The following CHRM3 variants were observed in gnomAD, a reference collection of about 807,000 sequenced individuals.
CHRM3 encodes cholinergic receptor muscarinic 3, also known as muscarinic acetylcholine receptor M3.
CHRM3 carries 11 observed loss-of-function variants against 41.8 expected under a neutral mutation model. The ratio of observed to expected loss-of-function variants is 0.26; its 90% CI spans 0.17 to 0.44. The LOEUF is 0.44. Ranked by LOEUF, CHRM3 falls within the 20% of genes least tolerant of loss-of-function variation. The pLI, the probability that CHRM3 is intolerant of heterozygous loss-of-function variation, is 1.00. For synonymous variants in CHRM3, 297 were observed against 301.4 expected (o/e 0.99, Z 0.15); for missense variants, 571 against 745.4 (o/e 0.77, Z 2.72).
intron 3 of CHRM3, among the ~76,000 whole-genome samples, chr1:239,606,939 T>C (rs1455246383): frequency 6.6e-6 from 1 of 152,154 alleles, no homozygotes; most frequent in African/African-American, 2.4e-5. Context: ...GGGGCCTATG[T>C]CCCCTTTCTC....
intron 5 of CHRM3, among the ~76,000 whole-genome samples, chr1:239,730,049 G>A (rs911231236): frequency 6.6e-6 from 1 of 151,806 alleles, no homozygotes; most frequent in East Asian, 1.9e-4. Context: ...ATTAAGCCAG[G>A]CTTTAATGTG....
chr1:239,483,949 G>A (rs1422093612), intron 1 of CHRM3, among the ~76,000 whole-genome samples: 1 of 152,114 alleles, frequency 6.6e-6, no homozygotes, highest in Non-Finnish European at 1.5e-5. Context: ...TGTACAGGAA[G>A]GAAAACAGTA....
At chr1:239,627,702 T>G (rs1669145050) in intron 3 of CHRM3, among the ~76,000 whole-genome samples, 2 of 138,084 alleles carry the variant, frequency 1.4e-5, no homozygotes, top group African/African-American at 5.6e-5. Context: ...GGCCTGGTGG[T>G]GACAAAATCT....
chr1:239,477,111 A>G (rs1666517301), intron 1 of CHRM3, among the ~76,000 whole-genome samples: 2 of 152,246 alleles, frequency 1.3e-5, no homozygotes, highest in South Asian at 2.1e-4. Context: ...TATTACTTAA[A>G]ATATGATTAA....
At chr1:239,465,703 T>C (rs954032721) in intron 1 of CHRM3, among the ~76,000 whole-genome samples, 1 of 152,204 alleles carries the variant, frequency 6.6e-6, no homozygotes, top group African/African-American at 2.4e-5. Context: ...TTCCTTATCA[T>C]ATAATTCCGA....
intron 3 of CHRM3, among the ~76,000 whole-genome samples, chr1:239,597,986 C>A (rs1364879834): frequency 6.6e-6 from 1 of 151,150 alleles, no homozygotes; most frequent in Admixed American, 6.6e-5. Flanking sequence ...GAAGTTCTAG[C>A]GAGACTTGAC....
intron 6 of CHRM3, among the ~76,000 whole-genome samples, chr1:239,871,789 C>T (rs909893721): frequency 2.6e-5 from 4 of 152,130 alleles, no homozygotes; most frequent in Non-Finnish European, 5.9e-5. Context: ...TGATAAAAAT[C>T]TCTTAACCTG....
Position 239,909,289 on chromosome 1 carries a change from AGGCGAGGGC to A in CHRM3, c.*68_*76del. ...CAACCCACAGACCTTAGGAGGAGGA[AGGCGAGGGC>A]GGGGTGACTTCTGGTGATGATAAAA... is the stretch of plus-strand genomic sequence containing the variant. On this transcript the variant is annotated 3_prime_UTR_variant, in exon 7 of 7. Coordinates refer to ENST00000676153, the MANE Select transcript of CHRM3 (RefSeq NM_001375978.1). 4.0e-6 allele frequency: 6 copies of A among 1,497,392 alleles called. No homozygotes were observed. The highest frequency in any genetic ancestry group is 4.5e-6 in the Non-Finnish European group (5 of 1,115,532). 92.8% of individuals were successfully genotyped at this position (1,497,392 alleles called of 1,614,324 possible). A position where few individuals can be genotyped will look rare whatever the true frequency, so the allele number is the denominator to read the frequency against.
chr1:239,595,673 G>A (rs1345916482), intron 3 of CHRM3, among the ~76,000 whole-genome samples: 1 of 151,994 alleles, frequency 6.6e-6, no homozygotes, highest in Non-Finnish European at 1.5e-5. Context: ...TCATTTGGGT[G>A]GAAGAGATTA....
chr1:239,569,697 A>G lies in CHRM3; in HGVS notation c.-313+23948A>G, dbSNP rs138231697. Reference sequence around the variant, plus strand: ...TAATAAGTAAAGCTGAAGTAATAAAATGTTGGTTTATGTCAGTAGTGAAGT... The same window carrying G: ...TAATAAGTAAAGCTGAAGTAATAAAGTGTTGGTTTATGTCAGTAGTGAAGT... On this transcript the variant is annotated intron_variant, in intron 3 of 6. Transcript: ENST00000676153. Among the ~76,000 whole-genome samples, 7 of 152,274 alleles carry G rather than the reference A, an allele frequency of 4.6e-5. No individual in the cohort carries two copies. The East Asian group carries it at 1.4e-3, about 29-fold the overall frequency.
At position 239,682,817 on chromosome 1, in the gene CHRM3, G is replaced by A. The variant is rs1012949923; in HGVS notation, c.-147+4529G>A. 3.9e-5 allele frequency among the ~76,000 whole-genome samples: 6 copies of A among 151,956 alleles called. No homozygotes were observed. In the South Asian group the frequency reaches 6.2e-4, roughly 16 times the overall value. ...ACTTACTGTTTAGCAAAATTTTTTT[G>A]TATCTGTTATTTCTCTGGCACCTTT... is the stretch of plus-strand genomic sequence containing the variant. On this transcript the variant is annotated intron_variant, in intron 5 of 6. Transcript: ENST00000676153.
At chr1:239,490,769 C>A (rs1038412579) in intron 1 of CHRM3, among the ~76,000 whole-genome samples, 1 of 151,900 alleles carries the variant, frequency 6.6e-6, no homozygotes, top group Non-Finnish European at 1.5e-5. Context: ...TTATTTGAGA[C>A]AGGGTCTTAC....
intron 3 of CHRM3, among the ~76,000 whole-genome samples, chr1:239,604,408 C>T (rs1001043990): frequency 6.6e-6 from 1 of 151,802 alleles, no homozygotes; most frequent in Non-Finnish European, 1.5e-5. Flanking sequence ...GCTTCCTGGG[C>T]TAGATAAATT....
intron 5 of CHRM3, chr1:239,704,113 A>T (rs1660925355): frequency 2.6e-5 from 4 of 152,154 alleles, no homozygotes; most frequent in Admixed American, 2.6e-4. Flanking sequence ...AAGTTTCTGA[A>T]ATGCCTCTTT....
intron 6 of CHRM3, among the ~76,000 whole-genome samples, chr1:239,859,791 T>C (rs1205755704): frequency 4.2e-5 from 6 of 143,794 alleles, no homozygotes; most frequent in African/African-American, 1.6e-4. Context: ...CAGGCATTGT[T>C]CTAAATTATA....
At chr1:239,467,907 C>T (rs944477370) in intron 1 of CHRM3, among the ~76,000 whole-genome samples, 11 of 152,174 alleles carry the variant, frequency 7.2e-5, no homozygotes, top group South Asian at 4.1e-4. Context: ...CTACCCCCCC[C>T]CAACGTTATT....
intron 1 of CHRM3, among the ~76,000 whole-genome samples, chr1:239,425,369 C>T (rs116754428): frequency 0.029 from 4,391 of 152,176 alleles, 85 homozygotes; most frequent in Non-Finnish European, 0.045. Flanking sequence ...AGCTTTATAT[C>T]AAGTACTCCT....
intron 3 of CHRM3, among the ~76,000 whole-genome samples, chr1:239,559,498 TACA>T: frequency 6.6e-6 from 1 of 152,322 alleles, no homozygotes; most frequent in East Asian, 1.9e-4. Context: ...GTTCAACCAC[TACA>T]TCAAACTTTA....
At chr1:239,692,699 A>G (rs950783461) in intron 5 of CHRM3, among the ~76,000 whole-genome samples, 3 of 152,190 alleles carry the variant, frequency 2.0e-5, no homozygotes, top group Non-Finnish European at 2.9e-5. Flanking sequence ...ACTCAGGAAG[A>G]GCTACTTGAG....
Sources: allele counts gnomAD v4.1 joint callset (sites outside exome capture counted in the v4.1 genomes callset), GRCh38; gene constraint gnomAD v4.1.1; transcripts MANE v1.5; gene names NCBI Gene and HGNC (gene_info 2026-07-23, HGNC 2026-07-21).